AKAP6: variants seen among roughly 807,000 people sequenced by gnomAD.
AKAP6 encodes A-kinase anchoring protein 6.
Under a neutral mutation model 188.5 loss-of-function variants are expected in AKAP6, and 58 were observed. The ratio of observed to expected loss-of-function variants is 0.31; its 90% confidence interval spans 0.25 to 0.38. AKAP6 has a LOEUF of 0.38. AKAP6 is among the 10% of genes least tolerant of loss of function. The pLI is 1.00. For missense variants in AKAP6, 2,710 were observed against 2,740.0 expected (o/e 0.99, Z 0.24); for synonymous variants, 989 against 998.6 (o/e 0.99, Z 0.18).
chr14:32,774,608 A>G (rs958321225), intron 12 of AKAP6, among the ~76,000 whole-genome samples: 21 of 152,212 alleles, frequency 1.4e-4, no homozygotes, highest in African/African-American at 4.6e-4. Flanking sequence ...TATACGATGC[A>G]TATTTGTCCA....
chr14:32,635,915 C>T (rs994163460), intron 7 of AKAP6, among the ~76,000 whole-genome samples: 3 of 152,008 alleles, frequency 2.0e-5, no homozygotes, highest in Admixed American at 2.0e-4. Flanking sequence ...CAGAGCAGTG[C>T]AGCACCATTC....
At chr14:32,640,924 G>A (rs969546477) in intron 7 of AKAP6, among the ~76,000 whole-genome samples, 2 of 152,100 alleles carry the variant, frequency 1.3e-5, no homozygotes, top group Non-Finnish European at 2.9e-5. Flanking sequence ...CATAAGTGAG[G>A]AATCATTAGC....
chr14:32,394,506 G>A (rs1204607568), intron 1 of AKAP6, among the ~76,000 whole-genome samples: 1 of 152,096 alleles, frequency 6.6e-6, no homozygotes, highest in Non-Finnish European at 1.5e-5. Flanking sequence ...AAAAATGTGG[G>A]GATGCCGATG....
chr14:32,366,011 T>C (rs1887820814), intron 1 of AKAP6, among the ~76,000 whole-genome samples: 1 of 152,136 alleles, frequency 6.6e-6, no homozygotes, highest in Non-Finnish European at 1.5e-5. Flanking sequence ...TCTTTATTAG[T>C]CCTGCCCCTT....
chr14:32,788,752 CACAA>C (rs1594946591), intron 12 of AKAP6, among the ~76,000 whole-genome samples: 1 of 152,162 alleles, frequency 6.6e-6, no homozygotes, highest in Non-Finnish European at 1.5e-5. Context: ...GCCACTCAGG[CACAA>C]ACAGAGACCC....
At chr14:32,703,752 TAA>T (rs1354316369) in intron 9 of AKAP6, among the ~76,000 whole-genome samples, 1 of 152,226 alleles carries the variant, frequency 6.6e-6, no homozygotes, top group African/African-American at 2.4e-5. Flanking sequence ...TTCAATGAGA[TAA>T]GTTTATTCCA....
Position 32,709,137 on chromosome 14 carries a change from A to G in AKAP6, c.3000+13027A>G, listed in dbSNP as rs370230504. Among the ~76,000 whole-genome samples the G allele has an allele frequency of 2.3e-4, 35 of 152,196 alleles. 2 individuals are homozygous for G. In the South Asian group the frequency reaches 7.0e-3, roughly 31 times the overall value. On this transcript the variant is annotated intron_variant, in intron 9 of 13. Coordinates refer to ENST00000280979, the MANE Select transcript of AKAP6 (RefSeq NM_004274.5). ...GGCTCCATCCGTCCAAGTTTGGGTT[A>G]GAAAAAGAAATAAAGTATGGAAACA...
chr14:32,494,275 T>A (rs1035468983), intron 2 of AKAP6: 3 of 152,124 alleles, frequency 2.0e-5, no homozygotes, highest in African/African-American at 7.2e-5. Context: ...GTGGAAACCA[T>A]GAGTAGGGTG....
At chr14:32,750,835 C>T (rs577585165) in intron 11 of AKAP6, among the ~76,000 whole-genome samples, 3 of 149,178 alleles carry the variant, frequency 2.0e-5, no homozygotes, top group South Asian at 2.1e-4. Context: ...CCCGGGTTCA[C>T]CCCATTCTCC....
intron 1 of AKAP6, among the ~76,000 whole-genome samples, chr14:32,428,990 G>A (rs1443627091): frequency 6.6e-6 from 1 of 152,178 alleles, no homozygotes; most frequent in Non-Finnish European, 1.5e-5. Flanking sequence ...TTTAACAGCA[G>A]CTGGGATAAA....
chr14:32,679,007 C>A (rs531067308), intron 8 of AKAP6, among the ~76,000 whole-genome samples: 1 of 152,256 alleles, frequency 6.6e-6, no homozygotes, highest in South Asian at 2.1e-4. Flanking sequence ...AGTGACCCAT[C>A]AACAATTTCA....
chr14:32,687,755 T>C (rs748265950), intron 8 of AKAP6, among the ~76,000 whole-genome samples: 1 of 152,138 alleles, frequency 6.6e-6, no homozygotes, highest in Non-Finnish European at 1.5e-5. Flanking sequence ...TTTTGTGCTC[T>C]GGAACTGTTA....
intron 11 of AKAP6, among the ~76,000 whole-genome samples, chr14:32,763,199 G>C: frequency 6.6e-6 from 1 of 151,972 alleles, no homozygotes; most frequent in East Asian, 1.9e-4. Context: ...TTGCTGTTTT[G>C]AAAGAAGTCA....
intron 7 of AKAP6, among the ~76,000 whole-genome samples, chr14:32,661,911 G>A (rs1013520488): frequency 3.3e-5 from 5 of 152,074 alleles, no homozygotes; most frequent in Admixed American, 6.6e-5. Flanking sequence ...GAAATCACAA[G>A]TTATGAAAGT....
intron 9 of AKAP6, among the ~76,000 whole-genome samples, chr14:32,715,770 ATTTT>A (rs67983441): frequency 2.6e-5 from 4 of 151,472 alleles, no homozygotes; most frequent in Non-Finnish European, 5.9e-5. Flanking sequence ...AAAAGGAAAG[ATTTT>A]TTTTTAAAAT....
chr14:32,620,076 T>G (rs12433067), intron 7 of AKAP6, among the ~76,000 whole-genome samples: 35,422 of 152,032 alleles, frequency 0.23, 4,886 homozygotes, highest in South Asian at 0.35. Flanking sequence ...TCTAAGAGTC[T>G]TTTGGAGGAT....
intron 4 of AKAP6, among the ~76,000 whole-genome samples, chr14:32,573,738 T>G (rs1884596679): frequency 6.6e-6 from 1 of 152,220 alleles, no homozygotes; most frequent in Admixed American, 6.5e-5. Flanking sequence ...TAAATTTTTT[T>G]TCCATTTTCG....
At chr14:32,352,097 G>GTT (rs1566458634) in intron 1 of AKAP6, among the ~76,000 whole-genome samples, 294 of 105,928 alleles carry the variant, frequency 2.8e-3, no homozygotes, top group East Asian at 0.01. Context: ...GTGTGTGTGT[G>GTT]TGTGTTTGTG....
At chr14:32,566,947 CAG>C (rs1884218251) in intron 4 of AKAP6, among the ~76,000 whole-genome samples, 1 of 151,928 alleles carries the variant, frequency 6.6e-6, no homozygotes, top group Non-Finnish European at 1.5e-5. Context: ...TTCTTAGAGA[CAG>C]AGTCTTGCTC....
Sources: gnomAD v4.1 joint callset for allele counts (sites outside exome capture counted in the v4.1 genomes callset) on GRCh38, gnomAD v4.1.1 for gene constraint, MANE v1.5 for transcripts, NCBI Gene and HGNC (gene_info 2026-07-23, HGNC 2026-07-21) for gene names.